ELMOD1: variants seen among roughly 807,000 people sequenced by gnomAD.
The protein encoded by ELMOD1 is ELMO domain containing 1, also known as ELMO domain-containing protein 1.
Under a neutral mutation model 46.7 loss-of-function variants are expected in ELMOD1, and 21 were observed. That is an observed-to-expected ratio of 0.45 (90% CI 0.32 to 0.65). The LOEUF is 0.65. Among genes scored for constraint, ELMOD1 ranks in the 30% least tolerant of loss-of-function variants. ELMOD1 has a pLI of 0.04. For missense variants in ELMOD1, 348 were observed against 407.8 expected, an observed-to-expected ratio of 0.85 and a Z score of 1.26; for synonymous variants, 122 against 138.2, an observed-to-expected ratio of 0.88 and a Z score of 0.82.
chr11:107,652,426 C>T (rs1197064661), intron 9 of ELMOD1, among the ~76,000 whole-genome samples: 2 of 152,140 alleles, frequency 1.3e-5, no homozygotes, highest in Non-Finnish European at 2.9e-5. Context: ...TTTGTTTTCT[C>T]CCGACAAGGG....
intron 6 of ELMOD1, among the ~76,000 whole-genome samples, chr11:107,644,376 C>T (rs1414986544): frequency 1.3e-5 from 2 of 152,144 alleles, no homozygotes; most frequent in Non-Finnish European, 2.9e-5. Flanking sequence ...TAAGCATTCA[C>T]CCAATGAGTA....
At chr11:107,659,788 G>A (rs567407068) in intron 11 of ELMOD1, among the ~76,000 whole-genome samples, 19 of 151,968 alleles carry the variant, frequency 1.3e-4, no homozygotes, top group East Asian at 1.2e-3. Flanking sequence ...TAGGCCAGGC[G>A]CGGTGGCTCA....
At chr11:107,620,721 G>A (rs1178222616) in intron 2 of ELMOD1, among the ~76,000 whole-genome samples, 2 of 152,178 alleles carry the variant, frequency 1.3e-5, no homozygotes, top group African/African-American at 4.8e-5. Flanking sequence ...GAAATTAACT[G>A]GGTGTGGTGG....
Position 107,666,745 on chromosome 11 carries a change from T to C in ELMOD1, c.*1548T>C, listed in dbSNP as rs1047229300. 3.3e-5 allele frequency: 5 copies of C among 152,658 alleles called. No individual in the cohort carries two copies. The highest frequency in any genetic ancestry group is 1.3e-4 in the Admixed American group (2 of 15,282). The allele number at this position is 152,658 out of a possible 1,614,324, so 9.5% of individuals were successfully genotyped here. On this transcript the variant is annotated 3_prime_UTR_variant, in exon 12 of 12. Transcript: ENST00000265840. ...TTGAGTACTGCCTAATTGTCAGTTATATGAATAAATTACATGTCATTCTAC... is the reference window on the plus strand; with the variant it reads ...TTGAGTACTGCCTAATTGTCAGTTACATGAATAAATTACATGTCATTCTAC...
chr11:107,611,014 A>AAAT (rs934132717), intron 1 of ELMOD1, among the ~76,000 whole-genome samples: 1 of 142,636 alleles, frequency 7.0e-6, no homozygotes, highest in Non-Finnish European at 1.5e-5. Flanking sequence ...AAAAAAAAAA[A>AAAT]AAAGAAAACC....
At chr11:107,660,434 T>C (rs866596919) in intron 11 of ELMOD1, among the ~76,000 whole-genome samples, 8 of 152,102 alleles carry the variant, frequency 5.3e-5, no homozygotes, top group African/African-American at 7.2e-5. Context: ...CACAGCCCCA[T>C]TGAAATGGAG....
chr11:107,650,496 A>C, intron 8 of ELMOD1, 93 bp downstream of exon 8: 1 of 950,478 alleles, frequency 1.1e-6, no homozygotes, highest in Admixed American at 2.1e-5. Context: ...GATTCTCAGG[A>C]GAGTGAGGCT....
intron 1 of ELMOD1, chr11:107,600,808 T>A (rs1037691662): frequency 1.3e-5 from 2 of 152,380 alleles, no homozygotes; most frequent in Non-Finnish European, 2.9e-5. Context: ...TGGCTTAGGT[T>A]TTGGGAATTC....
At chr11:107,640,146 G>T (rs918394546) in intron 6 of ELMOD1, among the ~76,000 whole-genome samples, 1 of 152,136 alleles carries the variant, frequency 6.6e-6, no homozygotes, top group Non-Finnish European at 1.5e-5. Flanking sequence ...TGGGATTACA[G>T]GCATGAGCCA....
At chr11:107,599,570 G>T (rs1481904036) in intron 1 of ELMOD1, among the ~76,000 whole-genome samples, 3 of 151,514 alleles carry the variant, frequency 2.0e-5, no homozygotes, top group African/African-American at 4.9e-5. Flanking sequence ...GGTGAAACCT[G>T]ATCTCTACTA....
chr11:107,639,569 C>T (rs563576252), intron 6 of ELMOD1, among the ~76,000 whole-genome samples: 3 of 152,182 alleles, frequency 2.0e-5, no homozygotes, highest in East Asian at 3.9e-4. Context: ...TGCTCTGGCT[C>T]GAGGGCAGAT....
intron 1 of ELMOD1, among the ~76,000 whole-genome samples, chr11:107,607,065 C>G (rs1865697125): frequency 6.6e-6 from 1 of 152,150 alleles, no homozygotes; most frequent in Admixed American, 6.5e-5. Flanking sequence ...AGCGTCCTTT[C>G]TCCTCCATTT....
At chr11:107,620,862 C>G (rs1865935650) in intron 2 of ELMOD1, among the ~76,000 whole-genome samples, 1 of 151,006 alleles carries the variant, frequency 6.6e-6, no homozygotes, top group South Asian at 2.1e-4. Context: ...GACTCCGTCT[C>G]AAAAACAAAA....
rs895088412 is a variant in ELMOD1, at chr11:107,644,539, A to G, written c.421-2929A>G. ...GCCCAGGCTGGACTGCAGTGGCACG[A>G]TCTCGGCTCACTGGAGGCTCCGCCT... On this transcript the variant is annotated intron_variant, in intron 6 of 11. Coordinates refer to ENST00000265840, the MANE Select transcript of ELMOD1 (RefSeq NM_018712.4). Among the ~76,000 whole-genome samples, 41 of 151,828 alleles carry G rather than the reference A, an allele frequency of 2.7e-4. 1 individual carries two copies. Among genetic ancestry groups the G allele is most frequent in the Admixed American group, 2.7e-3 (41 of 15,260 alleles).
intron 1 of ELMOD1, among the ~76,000 whole-genome samples, chr11:107,597,377 G>A (rs483468): frequency 0.22 from 33,195 of 152,098 alleles, 5,718 homozygotes; most frequent in African/African-American, 0.48. Flanking sequence ...TCACTTGAGC[G>A]TTAGCAAGCA....
intron 1 of ELMOD1, among the ~76,000 whole-genome samples, chr11:107,606,654 G>T (rs1378384664): frequency 6.6e-6 from 1 of 152,172 alleles, no homozygotes; most frequent in Non-Finnish European, 1.5e-5. Context: ...GGCCAACATG[G>T]TGAAACCGCG....
intron 1 of ELMOD1, among the ~76,000 whole-genome samples, chr11:107,595,867 T>A (rs7949461): frequency 6.6e-6 from 1 of 152,064 alleles, no homozygotes; most frequent in African/African-American, 2.4e-5. Context: ...AAGGGATGAA[T>A]AACTTTATTC....
intron 7 of ELMOD1, among the ~76,000 whole-genome samples, chr11:107,648,795 C>T (rs1298718106): frequency 6.6e-6 from 1 of 151,636 alleles, no homozygotes; most frequent in Non-Finnish European, 1.5e-5. Flanking sequence ...TTTAAAACAC[C>T]ACTTGTTAAC....
chr11:107,637,523 T>A (rs530253270), intron 6 of ELMOD1, among the ~76,000 whole-genome samples: 266 of 152,148 alleles, frequency 1.7e-3, no homozygotes, highest in African/African-American at 6.1e-3. Flanking sequence ...TGAAACCCTG[T>A]CTCTACTAAA....
Sources: allele counts gnomAD v4.1 joint callset (sites outside exome capture counted in the v4.1 genomes callset), GRCh38; gene constraint gnomAD v4.1.1; transcripts MANE v1.5; gene names NCBI Gene and HGNC (gene_info 2026-07-23, HGNC 2026-07-21).